The following MINAR1 variants were observed in gnomAD, a reference collection of about 807,000 sequenced individuals.
MINAR1 encodes the protein membrane integral NOTCH2 associated receptor 1.
A neutral mutation model predicts 65.1 loss-of-function variants in MINAR1; 40 were observed. That is an observed-to-expected ratio of 0.61 (90% confidence interval 0.48 to 0.80). MINAR1 has a LOEUF of 0.80. MINAR1 is among the 30% of genes least tolerant of loss of function. The pLI, the probability that MINAR1 is intolerant of heterozygous loss-of-function variation, is 0.00. For synonymous variants in MINAR1, 482 were observed against 449.1 expected (o/e 1.07, Z -0.93); for missense variants, 1,128 against 1,148.0 (o/e 0.98, Z 0.25).
At chr15:79,433,571 GT>G (rs1011111076) in intron 1 of MINAR1, among the ~76,000 whole-genome samples, 17 of 152,216 alleles carry the variant, frequency 1.1e-4, no homozygotes, top group African/African-American at 4.1e-4. Context: ...TGAGGCTGTG[GT>G]TGGAGGCCTC....
At chr15:79,444,985 T>A (rs1214905243) in intron 1 of MINAR1, among the ~76,000 whole-genome samples, 2 of 152,070 alleles carry the variant, frequency 1.3e-5, no homozygotes, top group Admixed American at 1.3e-4. Context: ...TGTTAAAATC[T>A]CTATGCATTA....
In MINAR1 at chr15:79,469,528, C is replaced by CTTATCTAT. The variant is rs1895997385; in HGVS notation, c.*1145_*1152dup. On this transcript the variant is annotated 3_prime_UTR_variant, in exon 4 of 4. Transcript: ENST00000305428. ...GCAAAAAATATTATCTGTTTAACCA[C>CTTATCTAT]TTATCTATATGTCTATCTATCTATC... 6.6e-6 allele frequency: 1 copy of CTTATCTAT among 152,314 alleles called. No individual in the cohort carries two copies. The highest frequency in any genetic ancestry group is 2.1e-4 in the South Asian group (1 of 4,818). 9.4% of individuals were successfully genotyped at this position (152,314 alleles called of 1,614,324 possible).
chr15:79,433,970 T>G (rs1595925764), intron 1 of MINAR1, among the ~76,000 whole-genome samples: 1 of 152,068 alleles, frequency 6.6e-6, no homozygotes, highest in Non-Finnish European at 1.5e-5. Context: ...CAGAGGAGGG[T>G]AGAGCAGGAG....
Position 79,463,325 on chromosome 15 carries a change from A to G in MINAR1, c.2553+4A>G. The G allele has an allele frequency of 6.2e-7, 1 of 1,609,784 alleles. No homozygotes were observed. The highest frequency in any genetic ancestry group is 8.5e-7 in the Non-Finnish European group (1 of 1,176,846). On this transcript the variant is annotated splice_donor_region_variant and intron_variant, in intron 3 of 3. Coordinates refer to ENST00000305428, the MANE Select transcript of MINAR1 (RefSeq NM_015206.3). The stretch of plus-strand genomic sequence containing the variant: ...GCTGACAGCCCTGGACCTGCAGGTG[A>G]GCCTCTCACTGTCCCTGGGTGGGGG...
At chr15:79,428,533 C>T (rs184592465), upstream of MINAR1, among the ~76,000 whole-genome samples, 1 of 141,090 alleles carries the variant, frequency 7.1e-6, no homozygotes, top group Non-Finnish European at 1.5e-5. Flanking sequence ...CCCTTTTCTT[C>T]CTTCCTTTTG....
At chr15:79,447,502 T>G (rs1212777505) in intron 1 of MINAR1, among the ~76,000 whole-genome samples, 1 of 152,174 alleles carries the variant, frequency 6.6e-6, no homozygotes, top group East Asian at 1.9e-4. Flanking sequence ...ATCCTGCTGG[T>G]GATTTTGTGT....
At chr15:79,452,845 GTGTA>G (rs752649902) in intron 1 of MINAR1, among the ~76,000 whole-genome samples, 4 of 150,808 alleles carry the variant, frequency 2.7e-5, no homozygotes, top group South Asian at 2.1e-4. Flanking sequence ...CTGCATGTGA[GTGTA>G]TGGGTGAGTC....
the MINAR1 span, chr15:79,423,833 T>C: frequency 6.6e-6 from 1 of 152,258 alleles, no homozygotes; most frequent in Non-Finnish European, 1.5e-5. Context: ...ATAGGATTTT[T>C]GTAAGGATTA....
the MINAR1 span, chr15:79,422,678 G>C: frequency 6.6e-6 from 1 of 152,098 alleles, no homozygotes. Flanking sequence ...CTGGAAAAAT[G>C]TTGCCACAAA....
the MINAR1 span, chr15:79,422,508 A>T: frequency 6.6e-6 from 1 of 151,694 alleles, no homozygotes; most frequent in East Asian, 1.9e-4. Context: ...AGATTAAGCC[A>T]CTGCACTCTA....
chr15:79,426,141 A>G, the MINAR1 span: 1 of 152,500 alleles, frequency 6.6e-6, no homozygotes, highest in East Asian at 1.9e-4. Context: ...GAGAATCAGT[A>G]TCGGAAAATA....
chr15:79,440,504 TTG>T (rs1194382062), intron 1 of MINAR1, among the ~76,000 whole-genome samples: 1 of 152,144 alleles, frequency 6.6e-6, no homozygotes, highest in Non-Finnish European at 1.5e-5. Flanking sequence ...CTTTGGGAAA[TTG>T]TGAGTGTTCC....
In MINAR1 at chr15:79,463,101, G is replaced by A. The variant is rs750727178; in HGVS notation, c.2333G>A (p.Arg778Gln). 19 of 1,613,948 alleles carry A rather than the reference G, an allele frequency of 1.2e-5. No homozygotes were observed. Among genetic ancestry groups the A allele is most frequent in the Non-Finnish European group, 1.5e-5 (18 of 1,179,996 alleles). ...DRQYDIPPQH[R>Q]LPKQPKDGFL... Reference sequence around the variant, plus strand: ...CAGTACGACATTCCCCCACAGCACCGACTGCCCAAGCAGCCCAAAGATGGC... The same window carrying A: ...CAGTACGACATTCCCCCACAGCACCAACTGCCCAAGCAGCCCAAAGATGGC... Residue 778 changes from arginine to glutamine, a missense_variant, in exon 3 of 4, where the codon CGA (arginine) becomes CAA (glutamine). Physicochemically the swap from Arg to Gln is conservative, Grantham distance 43. Coordinates refer to ENST00000305428, the MANE Select transcript of MINAR1 (RefSeq NM_015206.3).
intron 1 of MINAR1, among the ~76,000 whole-genome samples, chr15:79,453,073 G>T (rs1268854585): frequency 6.6e-6 from 1 of 151,824 alleles, no homozygotes; most frequent in African/African-American, 2.4e-5. Flanking sequence ...ACCAGATCCG[G>T]CTTCAGACTG....
the MINAR1 span, chr15:79,412,961 TG>T: frequency 6.6e-6 from 1 of 152,322 alleles, no homozygotes; most frequent in East Asian, 1.9e-4. Context: ...AGCCTAGCTT[TG>T]GCTCCCTGAA....
intron 1 of MINAR1, among the ~76,000 whole-genome samples, chr15:79,446,154 A>C (rs1044622516): frequency 1.3e-5 from 2 of 152,108 alleles, no homozygotes; most frequent in Non-Finnish European, 2.9e-5. Flanking sequence ...CTGCTCTTTT[A>C]ATAATTACTC....
In MINAR1 at chr15:79,457,739, G is replaced by A. The variant is rs1352774230; in HGVS notation, c.1592G>A (p.Ser531Asn). 1 of 1,614,226 alleles carries A rather than the reference G, an allele frequency of 6.2e-7. No homozygotes were observed. The change falls in exon 2 of 4, where the codon AGT becomes AAT. Residue 531 changes from serine (S) to asparagine (N), a missense_variant. Physicochemically the swap from Ser to Asn is conservative, Grantham distance 46 (BLOSUM62 1). Transcript: ENST00000305428. ...IFRFLDDMSI[S>N]GSTGVIQSSC... ...CGATTTCTTGATGACATGAGCATCA[G>A]TGGCTCCACGGGAGTGATACAGTCG...
At chr15:79,451,311 ACTC>A (rs554109930) in intron 1 of MINAR1, among the ~76,000 whole-genome samples, 4 of 150,960 alleles carry the variant, frequency 2.6e-5, no homozygotes, top group African/African-American at 9.7e-5. Context: ...CTGGTTGAAA[ACTC>A]CTGCGTGATA....
chr15:79,432,803 A>C (rs898311575), intron 1 of MINAR1, among the ~76,000 whole-genome samples: 1 of 152,168 alleles, frequency 6.6e-6, no homozygotes, highest in African/African-American at 2.4e-5. Context: ...TGGACAGAGC[A>C]GGGATTCGGG....
Sources: gnomAD v4.1 joint callset for allele counts (sites outside exome capture counted in the v4.1 genomes callset) on GRCh38, gnomAD v4.1.1 for gene constraint, MANE v1.5 for transcripts, NCBI Gene and HGNC (gene_info 2026-07-23, HGNC 2026-07-21) for gene names.